The following SLC43A1 variants were observed in gnomAD, a reference collection of about 807,000 sequenced individuals.
SLC43A1 encodes solute carrier family 43 member 1.
A neutral mutation model predicts 59.5 loss-of-function variants in SLC43A1; 31 were observed. The observed-to-expected ratio is 0.52, with a 90% CI of 0.39 to 0.70. SLC43A1 has a LOEUF of 0.70. Ranked by LOEUF, SLC43A1 falls within the 30% of genes least tolerant of loss-of-function variation. The probability of loss-of-function intolerance (pLI) is 0.00; values close to 1 mark genes in which losing one functional copy is unlikely to be tolerated. For missense variants in SLC43A1, 598 were observed against 717.8 expected (o/e 0.83, Z 1.91); for synonymous variants, 259 against 290.9 (o/e 0.89, Z 1.12).
chr11:57,494,345 G>T, intron 7 of SLC43A1, 174 bp from the exon 8 acceptor site: 1 of 602,288 alleles, frequency 1.7e-6, no homozygotes, highest in Non-Finnish European at 2.8e-6. Context: ...TTGGCTCAGG[G>T]ACCAGCTTAG....
At chr11:57,486,373 G>T (rs1300913905) in intron 14 of SLC43A1, among the ~76,000 whole-genome samples, 1 of 152,102 alleles carries the variant, frequency 6.6e-6, no homozygotes, top group East Asian at 1.9e-4. Flanking sequence ...GCCATCACCT[G>T]TGGTTGCAGC....
chr11:57,492,660 G>T (rs1943963668), intron 8 of SLC43A1, among the ~76,000 whole-genome samples: 3 of 134,956 alleles, frequency 2.2e-5, no homozygotes, highest in East Asian at 2.2e-4. Flanking sequence ...AGCCCAGGAG[G>T]TCAAGGCTGC....
chr11:57,489,207 G>A (rs989043905), intron 12 of SLC43A1, 44 bp downstream of exon 12: 2 of 1,608,888 alleles, frequency 1.2e-6, no homozygotes, highest in Non-Finnish European at 1.7e-6. Flanking sequence ...TCCCTTTGGA[G>A]GAGCCTCGGG....
At chr11:57,496,527 G>A (rs1393650900) in intron 6 of SLC43A1, among the ~76,000 whole-genome samples, 2 of 152,142 alleles carry the variant, frequency 1.3e-5, no homozygotes, top group East Asian at 3.8e-4. Context: ...CCATTTCATA[G>A]TACGTACAAA....
intron 2 of SLC43A1, among the ~76,000 whole-genome samples, chr11:57,503,297 G>GTTTT (rs11402480): frequency 1.4e-4 from 16 of 115,860 alleles, no homozygotes; most frequent in Admixed American, 2.9e-4. Context: ...TTCTCTACAG[G>GTTTT]TTTTTTTTTT....
chr11:57,492,221 T>TATA (rs1421008824), intron 8 of SLC43A1, among the ~76,000 whole-genome samples: 31 of 131,676 alleles, frequency 2.4e-4, no homozygotes, highest in Admixed American at 9.5e-4. Context: ...ATATATATAT[T>TATA]TATTTATTTA....
At position 57,507,206 on chromosome 11, in the gene SLC43A1, G is replaced by A. The variant is rs150709672; in HGVS notation, c.155-5877C>T. On this transcript the variant is annotated intron_variant, in intron 2 of 14. Coordinates refer to ENST00000278426, the MANE Select transcript of SLC43A1 (RefSeq NM_003627.6). ...GCCGAGGCCAGGTGCAGAGGCTCAC[G>A]CCTGTAATCCTAGCACTTTAGGAGG... Among the ~76,000 whole-genome samples, 858 of 152,308 alleles carry A rather than the reference G, an allele frequency of 5.6e-3. 7 individuals carry two copies. The highest frequency in any genetic ancestry group is 9.6e-3 in the Non-Finnish European group (654 of 68,034).
intron 14 of SLC43A1, among the ~76,000 whole-genome samples, chr11:57,485,569 G>A (rs1286203329): frequency 1.3e-5 from 2 of 152,140 alleles, no homozygotes; most frequent in African/African-American, 4.8e-5. Flanking sequence ...GGGGCCTTCT[G>A]GGCTCACCCC....
Position 57,514,636 on chromosome 11 carries a change from C to T in SLC43A1, c.-13-512G>A, listed in dbSNP as rs1202650882. ...CAAGACCTCTCCTTCCCTCTGGGGC[C>T]GGGCGACAGCAAGCCCTCCCCCTTT... On this transcript the variant is annotated intron_variant, in intron 1 of 14. Transcript: ENST00000278426. This position sits in a 1 kb window ranked among gnomAD's most constrained non-coding sequence, Gnocchi z 5.5. The T allele has an allele frequency of 5.8e-6, 1 of 171,274 alleles. No individual in the cohort carries two copies. Among genetic ancestry groups the T allele is most frequent in the Non-Finnish European group, 1.2e-5 (1 of 84,772 alleles). 10.6% of individuals were successfully genotyped at this position (171,274 alleles called of 1,614,324 possible). A position where few individuals can be genotyped will look rare whatever the true frequency, so the allele number is the denominator to read the frequency against.
intron 7 of SLC43A1, among the ~76,000 whole-genome samples, chr11:57,494,752 C>CT (rs976212833): frequency 8.5e-5 from 13 of 152,266 alleles, no homozygotes; most frequent in Admixed American, 5.9e-4. Context: ...TTATGTCCCT[C>CT]TTTTTGGGAC....
chr11:57,510,029 G>A (rs1944496623), intron 2 of SLC43A1, among the ~76,000 whole-genome samples: 2 of 152,132 alleles, frequency 1.3e-5, no homozygotes, highest in Non-Finnish European at 2.9e-5. Context: ...CAAAGGACCT[G>A]AATAGACCTT....
intron 2 of SLC43A1, among the ~76,000 whole-genome samples, chr11:57,509,758 C>G (rs944285943): frequency 1.3e-5 from 2 of 151,388 alleles, no homozygotes; most frequent in African/African-American, 2.4e-5. Flanking sequence ...AAGAAGGAAA[C>G]ACAGGTGTAA....
chr11:57,486,224 C>A (rs772101176), intron 14 of SLC43A1, among the ~76,000 whole-genome samples: 1 of 152,194 alleles, frequency 6.6e-6, no homozygotes, highest in East Asian at 1.9e-4. Context: ...CTGTGGCTCA[C>A]GCCTGTAACC....
At chr11:57,485,284 A>C in intron 14 of SLC43A1, 42 bp from the exon 15 acceptor site, 1 of 1,575,720 alleles carries the variant, frequency 6.3e-7, no homozygotes, top group Non-Finnish European at 8.6e-7. Flanking sequence ...GTAGGTAGTC[A>C]TCTGCCCTTA....
intron 6 of SLC43A1, among the ~76,000 whole-genome samples, chr11:57,497,126 T>C (rs1268225227): frequency 6.6e-6 from 1 of 152,234 alleles, no homozygotes; most frequent in Non-Finnish European, 1.5e-5. Context: ...GTACCTTCTT[T>C]AGTACTCTTT....
In SLC43A1 at chr11:57,502,244, C is replaced by T. The variant is rs187913295; in HGVS notation, c.155-915G>A. ...ACTTGGCAGCACTGCCAAGGGCAAA[C>T]TCAGGGTGCACCTGGAGCAGGCAGA... On this transcript the variant is annotated intron_variant, in intron 2 of 14. Coordinates refer to ENST00000278426, the MANE Select transcript of SLC43A1 (RefSeq NM_003627.6). Among the ~76,000 whole-genome samples, 88 of 152,388 alleles carry T rather than the reference C, an allele frequency of 5.8e-4. 1 individual carries two copies. The highest frequency in any genetic ancestry group is 3.4e-3 in the Middle Eastern group (1 of 294).
chr11:57,485,289 C>A lies in SLC43A1; in HGVS notation c.1534-47G>T, dbSNP rs1445882675. 3 of 1,555,650 alleles carry A rather than the reference C, an allele frequency of 1.9e-6. No homozygotes were observed. In the Admixed American group the frequency reaches 6.0e-5, roughly 31 times the overall value. On this transcript the variant is annotated intron_variant, in intron 14 of 14. Coordinates refer to ENST00000278426, the MANE Select transcript of SLC43A1 (RefSeq NM_003627.6). ...ACAGAGTCAAGTAGGTAGTCATCTG[C>A]CCTTAGCCTCCCACAGGGAGGAGAA...
chr11:57,503,944 A>T (rs760880683), intron 2 of SLC43A1, among the ~76,000 whole-genome samples: 3 of 152,216 alleles, frequency 2.0e-5, no homozygotes, highest in Non-Finnish European at 4.4e-5. Flanking sequence ...CTGTAATCCC[A>T]GCACTTTGGG....
intron 12 of SLC43A1, 106 bp from the exon 13 acceptor site, chr11:57,489,095 C>A: frequency 7.0e-7 from 1 of 1,431,272 alleles, no homozygotes; most frequent in Non-Finnish European, 9.8e-7. Flanking sequence ...CACCCCCTCG[C>A]CAACCCAATC....
Sources: gnomAD v4.1 joint callset for allele counts (sites outside exome capture counted in the v4.1 genomes callset) on GRCh38, gnomAD v4.1.1 for gene constraint, Gnocchi (gnomAD v3.1) non-coding constraint, MANE v1.5 for transcripts, NCBI Gene and HGNC (gene_info 2026-07-23, HGNC 2026-07-21) for gene names.